The following ATP8B4 variants were observed in gnomAD, a reference collection of about 807,000 sequenced individuals.
ATP8B4 encodes the protein probable phospholipid-transporting ATPase IM.
In ATP8B4, 133 loss-of-function variants were observed where a neutral mutation model predicts 145.6. That is an observed-to-expected ratio of 0.91 (90% CI 0.79 to 1.05). ATP8B4 has a LOEUF of 1.05. Among genes scored for constraint, ATP8B4 ranks in the 50% least tolerant of loss-of-function variants. The probability of loss-of-function intolerance (pLI) is 0.00; values close to 1 mark genes in which losing one functional copy is unlikely to be tolerated. For missense variants in ATP8B4, 1,458 were observed against 1,425.2 expected (o/e 1.02, Z -0.37); for synonymous variants, 507 against 492.9 (o/e 1.03, Z -0.38).
intron 2 of ATP8B4, among the ~76,000 whole-genome samples, chr15:50,103,334 C>T (rs912336463): frequency 1.3e-5 from 2 of 152,068 alleles, no homozygotes; most frequent in African/African-American, 4.8e-5. Flanking sequence ...TGATCACACA[C>T]CTAGAAAACC....
intron 14 of ATP8B4, among the ~76,000 whole-genome samples, chr15:49,936,366 A>G (rs981001705): frequency 1.4e-4 from 22 of 152,162 alleles, no homozygotes; most frequent in African/African-American, 5.3e-4. Flanking sequence ...ATGGGAGGCA[A>G]AAGTTATGAG....
intron 2 of ATP8B4, among the ~76,000 whole-genome samples, chr15:50,086,685 TA>T (rs1414221102): frequency 1.6e-4 from 17 of 106,486 alleles, no homozygotes; most frequent in East Asian, 7.7e-4. Flanking sequence ...TTATATATAA[TA>T]AAATAATAGA....
chr15:50,068,163 T>A (rs1201125553), intron 3 of ATP8B4, among the ~76,000 whole-genome samples: 1 of 152,126 alleles, frequency 6.6e-6, no homozygotes, highest in Non-Finnish European at 1.5e-5. Context: ...ACTTAGATTC[T>A]GAGTTAAGAG....
chr15:49,982,221 C>T (rs1177402921), intron 10 of ATP8B4, among the ~76,000 whole-genome samples: 1 of 152,058 alleles, frequency 6.6e-6, no homozygotes, highest in Non-Finnish European at 1.5e-5. Context: ...AGGACAGGCA[C>T]ATCCTTAAAA....
At position 50,074,176 on chromosome 15, in the gene ATP8B4, C is replaced by T. The variant is rs34330378; in HGVS notation, c.38G>A (p.Arg13Gln). The T allele has an allele frequency of 1.7e-3, 2,761 of 1,611,530 alleles. 11 individuals carry two copies. The highest frequency in any genetic ancestry group is 1.6e-3 in the Non-Finnish European group (1,916 of 1,178,514). Residue 13 changes from arginine (R) to glutamine (Q), a missense_variant, in exon 3 of 28, where the codon CGG (arginine) becomes CAG (glutamine). By Grantham distance (43) the Arg-to-Gln change is conservative. Coordinates refer to ENST00000284509, the MANE Select transcript of ATP8B4 (RefSeq NM_024837.4). ...TTCACGGTCATTGGCTTTCACTATC[C>T]GTTCCACTTCTAAAGAGAGAGAAAT... ...CSEKKLREVE[R>Q]IVKANDREYN...
chr15:50,044,956 A>G (rs2051605516), intron 4 of ATP8B4, among the ~76,000 whole-genome samples: 1 of 152,202 alleles, frequency 6.6e-6, no homozygotes, highest in Non-Finnish European at 1.5e-5. Context: ...ACAGATGATC[A>G]CTTTCTCCAA....
At chr15:50,125,464 G>A (rs2057301076) in intron 1 of ATP8B4, among the ~76,000 whole-genome samples, 1 of 152,120 alleles carries the variant, frequency 6.6e-6, no homozygotes, top group South Asian at 2.1e-4. Context: ...ACATGTCTCT[G>A]GGACATTTCA....
At chr15:50,057,224 A>G (rs569659799) in intron 3 of ATP8B4, among the ~76,000 whole-genome samples, 1 of 152,328 alleles carries the variant, frequency 6.6e-6, no homozygotes, top group Non-Finnish European at 1.5e-5. Context: ...AGATAATGGT[A>G]TTGCCTCCTT....
intron 20 of ATP8B4, among the ~76,000 whole-genome samples, chr15:49,912,551 C>T (rs905812708): frequency 6.6e-6 from 1 of 151,876 alleles, no homozygotes; most frequent in Non-Finnish European, 1.5e-5. Flanking sequence ...AAAGAAAAAC[C>T]CAGAATTGGA....
At chr15:49,928,281 T>C (rs1199499827) in intron 16 of ATP8B4, among the ~76,000 whole-genome samples, 1 of 151,990 alleles carries the variant, frequency 6.6e-6, no homozygotes, top group East Asian at 1.9e-4. Flanking sequence ...GAAAAAGAAT[T>C]GAAAAATGGG....
At chr15:50,106,823 C>G in intron 2 of ATP8B4, 116 bp downstream of exon 2, 3 of 996,152 alleles carry the variant, frequency 3.0e-6, no homozygotes, top group Non-Finnish European at 4.3e-6. Context: ...TCGAAGTTCA[C>G]TGAGCTGAAC....
chr15:50,171,165 CA>C (rs2044668824), intron 1 of ATP8B4, among the ~76,000 whole-genome samples: 1 of 152,070 alleles, frequency 6.6e-6, no homozygotes, highest in Non-Finnish European at 1.5e-5. Flanking sequence ...GACAGAAAGT[CA>C]ATAAACAATG....
chr15:50,037,510 A>C (rs1246201819), intron 6 of ATP8B4, among the ~76,000 whole-genome samples: 4 of 152,160 alleles, frequency 2.6e-5, no homozygotes, highest in Non-Finnish European at 5.9e-5. Flanking sequence ...ACACATTATA[A>C]CCCCACCTTA....
At chr15:50,166,744 G>A (rs1258489534) in intron 1 of ATP8B4, among the ~76,000 whole-genome samples, 1 of 152,198 alleles carries the variant, frequency 6.6e-6, no homozygotes, top group Non-Finnish European at 1.5e-5. Context: ...TGGGAACACA[G>A]TTGAGTCTAC....
chr15:50,072,720 G>A (rs953477000), intron 3 of ATP8B4, among the ~76,000 whole-genome samples: 3 of 151,518 alleles, frequency 2.0e-5, no homozygotes, highest in Non-Finnish European at 4.4e-5. Flanking sequence ...CCACCTCCTG[G>A]GTTCAAGCGG....
chr15:49,985,299 T>A (rs1024958229), intron 10 of ATP8B4, among the ~76,000 whole-genome samples: 17 of 152,082 alleles, frequency 1.1e-4, no homozygotes, highest in African/African-American at 3.9e-4. Flanking sequence ...GGTTTCACCA[T>A]GTTAGCCAGG....
At chr15:50,081,200 C>T (rs2054536914) in intron 2 of ATP8B4, among the ~76,000 whole-genome samples, 1 of 151,988 alleles carries the variant, frequency 6.6e-6, no homozygotes, top group Non-Finnish European at 1.5e-5. Context: ...CTGCAAGTAC[C>T]TATACAAGCA....
intron 1 of ATP8B4, among the ~76,000 whole-genome samples, chr15:50,139,205 A>C (rs2044174076): frequency 6.6e-6 from 1 of 152,220 alleles, no homozygotes; most frequent in African/African-American, 2.4e-5. Context: ...CATCAATGAC[A>C]GACTGGATAA....
At chr15:49,879,520 T>G (rs867449204) in intron 23 of ATP8B4, 61 bp from the exon 24 acceptor site, 1 of 1,434,120 alleles carries the variant, frequency 7.0e-7, no homozygotes, top group Middle Eastern at 2.2e-4. Context: ...AATATTCACA[T>G]TTAGGTTAAA....
Sources: gnomAD v4.1 joint callset for allele counts (sites outside exome capture counted in the v4.1 genomes callset) on GRCh38, gnomAD v4.1.1 for gene constraint, MANE v1.5 for transcripts, NCBI Gene and HGNC (gene_info 2026-07-23, HGNC 2026-07-21) for gene names.